Variants in TRDMT1 observed in about 807,000 individuals in gnomAD.
TRDMT1 encodes tRNA (cytosine(38)-C(5))-methyltransferase.
A neutral mutation model predicts 51.2 loss-of-function variants in TRDMT1; 49 were observed. That is an observed-to-expected ratio of 0.96 (90% confidence interval 0.76 to 1.21). The LOEUF is 1.21. Ranked by LOEUF, TRDMT1 falls within the 50% of genes most tolerant of loss-of-function variation. The pLI is 0.00. For missense variants in TRDMT1, 534 were observed against 462.3 expected (o/e 1.16, Z -1.42); for synonymous variants, 187 against 164.6 (o/e 1.14, Z -1.04).
Position 17,145,834 on chromosome 10 carries a change from T to C in TRDMT1, c.*3206A>G, listed in dbSNP as rs1838058569. On this transcript the variant is annotated 3_prime_UTR_variant, in exon 11 of 11. Transcript: ENST00000377799. ...TGCATCCTTTAGTAGGTGCTTGATA[T>C]TAGATGAAATGTGGTTGCTTCTTTG... is the stretch of plus-strand genomic sequence containing the variant. 1 of 985,348 alleles carries C rather than the reference T, an allele frequency of 1.0e-6. No individual in the cohort carries two copies. The highest frequency in any genetic ancestry group is 6.1e-5 in the Admixed American group (1 of 16,272). The allele number at this position is 985,348 out of a possible 1,614,324, so 61.0% of individuals were successfully genotyped here. A position where few individuals can be genotyped will look rare whatever the true frequency, so the allele number is the denominator to read the frequency against.
intron 1 of TRDMT1, among the ~76,000 whole-genome samples, chr10:17,183,134 G>A (rs1342045044): frequency 2.0e-5 from 3 of 152,172 alleles, no homozygotes; most frequent in Non-Finnish European, 4.4e-5. Context: ...TTACATACAT[G>A]TATGAAAATA....
intron 3 of TRDMT1, among the ~76,000 whole-genome samples, chr10:17,164,119 A>G (rs1340125688): frequency 6.6e-6 from 1 of 152,220 alleles, no homozygotes; most frequent in Non-Finnish European, 1.5e-5. Flanking sequence ...AAAATCCACA[A>G]TAAAATACTG....
intron 1 of TRDMT1, among the ~76,000 whole-genome samples, chr10:17,189,983 C>T (rs1288388376): frequency 1.3e-5 from 2 of 152,096 alleles, no homozygotes; most frequent in African/African-American, 2.4e-5. Context: ...TAATGTTCAG[C>T]TCTCTAATAG....
intron 2 of TRDMT1, 137 bp downstream of exon 2, chr10:17,174,414 T>C: frequency 1.7e-6 from 1 of 577,374 alleles, no homozygotes; most frequent in African/African-American, 1.9e-5. Context: ...ATATAAAATG[T>C]TAATCTCCTT....
intron 3 of TRDMT1, among the ~76,000 whole-genome samples, chr10:17,165,886 G>T (rs1261182981): frequency 2.0e-5 from 3 of 152,322 alleles, no homozygotes; most frequent in Middle Eastern, 3.4e-3. Context: ...TGCTGGAGAG[G>T]ATGTGGAGAA....
Position 17,148,111 on chromosome 10 carries a change from C to A in TRDMT1, c.*929G>T. On this transcript the variant is annotated 3_prime_UTR_variant, in exon 11 of 11. Coordinates refer to ENST00000377799, the MANE Select transcript of TRDMT1 (RefSeq NM_004412.7). ...ATGCAAGACTTAGTTTGATTAGAAACCCTAATTCCAAGAGGTCTGCTGAGG... is the reference window on the plus strand; with the variant it reads ...ATGCAAGACTTAGTTTGATTAGAAAACCTAATTCCAAGAGGTCTGCTGAGG... 1.0e-6 allele frequency: 1 copy of A among 985,316 alleles called. No homozygotes were observed. The highest frequency in any genetic ancestry group is 1.7e-5 in the African/African-American group (1 of 57,310). The allele number at this position is 985,316 out of a possible 1,614,324, so 61.0% of individuals were successfully genotyped here.
chr10:17,186,090 T>TAA (rs529154623), intron 1 of TRDMT1, among the ~76,000 whole-genome samples: 2,251 of 107,002 alleles, frequency 0.021, 62 homozygotes, highest in African/African-American at 0.058. Context: ...TAAATAAATA[T>TAA]GGTCAATGCA....
At chr10:17,170,701 G>A (rs558493196) in intron 2 of TRDMT1, among the ~76,000 whole-genome samples, 2 of 152,134 alleles carry the variant, frequency 1.3e-5, no homozygotes, top group South Asian at 4.2e-4. Context: ...ACCACAGTAC[G>A]CTTTCATCAT....
At position 17,200,822 on chromosome 10, in the gene TRDMT1, A is replaced by G. The variant is rs184651129; in HGVS notation, c.64+749T>C. ...TCTCGTGATGTCGTTTTAAAGTAATAGTGATAATAATGTATAATATTTGGA... is the reference window on the plus strand; with the variant it reads ...TCTCGTGATGTCGTTTTAAAGTAATGGTGATAATAATGTATAATATTTGGA... On this transcript the variant is annotated intron_variant, in intron 1 of 10. Transcript: ENST00000377799. Among the ~76,000 whole-genome samples the G allele has an allele frequency of 2.0e-3, 304 of 152,338 alleles. 2 individuals carry two copies. Among genetic ancestry groups the G allele is most frequent in the African/African-American group, 7.1e-3 (295 of 41,576 alleles).
At chr10:17,153,882 T>C (rs997117591) in intron 9 of TRDMT1, among the ~76,000 whole-genome samples, 15 of 152,196 alleles carry the variant, frequency 9.9e-5, no homozygotes, top group Non-Finnish European at 4.4e-5. Flanking sequence ...TCTGTCATTT[T>C]TGAGCCCTTA....
At chr10:17,156,406 T>G (rs1420148962) in intron 8 of TRDMT1, among the ~76,000 whole-genome samples, 2 of 152,062 alleles carry the variant, frequency 1.3e-5, no homozygotes, top group Non-Finnish European at 2.9e-5. Flanking sequence ...GGTCAATTTT[T>G]GTAGTCTTCG....
chr10:17,183,223 A>C (rs955932861), intron 1 of TRDMT1, among the ~76,000 whole-genome samples: 6 of 152,216 alleles, frequency 3.9e-5, no homozygotes, highest in African/African-American at 1.4e-4. Flanking sequence ...GCAGTTACAG[A>C]ATATCTTGAG....
At chr10:17,195,945 A>G (rs1412768704) in intron 1 of TRDMT1, among the ~76,000 whole-genome samples, 1 of 152,210 alleles carries the variant, frequency 6.6e-6, no homozygotes, top group Non-Finnish European at 1.5e-5. Flanking sequence ...ACTGAAAAAA[A>G]AATTAAGCGG....
intron 2 of TRDMT1, among the ~76,000 whole-genome samples, chr10:17,173,635 T>C (rs569958203): frequency 2.7e-4 from 41 of 152,258 alleles, no homozygotes; most frequent in East Asian, 5.8e-4. Flanking sequence ...CAGTTGATGA[T>C]TGAGTCGAAA....
At chr10:17,173,703 TATGAGAAATTTC>T (rs979388806) in intron 2 of TRDMT1, among the ~76,000 whole-genome samples, 4 of 151,942 alleles carry the variant, frequency 2.6e-5, no homozygotes, top group South Asian at 2.1e-4. Flanking sequence ...GCATGTAAAT[TATGAGAAATTTC>T]ATGAGAAATT....
intron 1 of TRDMT1, among the ~76,000 whole-genome samples, chr10:17,184,136 C>T (rs978627839): frequency 6.6e-6 from 1 of 152,084 alleles, no homozygotes; most frequent in African/African-American, 2.4e-5. Context: ...CTTAAAAAGT[C>T]AAGAAATAAT....
chr10:17,146,953 C>A lies in TRDMT1; in HGVS notation c.*2087G>T. The A allele has an allele frequency of 1.0e-6, 1 of 985,442 alleles. No individual in the cohort carries two copies. The highest frequency in any genetic ancestry group is 1.7e-5 in the African/African-American group (1 of 57,370). 61.0% of individuals were successfully genotyped at this position (985,442 alleles called of 1,614,324 possible). A position where few individuals can be genotyped will look rare whatever the true frequency, so the allele number is the denominator to read the frequency against. On this transcript the variant is annotated 3_prime_UTR_variant, in exon 11 of 11. Coordinates refer to ENST00000377799, the MANE Select transcript of TRDMT1 (RefSeq NM_004412.7). ...ATGAATTAAGGGCAAGAATCACCGT[C>A]TTCCTGTGAATACATTCCCATAATT...
chr10:17,194,941 A>AT (rs1481694106), intron 1 of TRDMT1, among the ~76,000 whole-genome samples: 1 of 141,068 alleles, frequency 7.1e-6, no homozygotes. Context: ...TCAAAAAAAA[A>AT]AAAAAGTCAA....
chr10:17,181,167 A>T (rs1018436723), intron 1 of TRDMT1, among the ~76,000 whole-genome samples: 23 of 152,228 alleles, frequency 1.5e-4, no homozygotes, highest in Admixed American at 3.9e-4. Context: ...CTAATGAGAC[A>T]GAATAAGTGC....
Sources: gnomAD v4.1 joint callset for allele counts (sites outside exome capture counted in the v4.1 genomes callset) on GRCh38, gnomAD v4.1.1 for gene constraint, MANE v1.5 for transcripts, NCBI Gene and HGNC (gene_info 2026-07-23, HGNC 2026-07-21) for gene names.